Variants in ATP2B4 observed in about 807,000 individuals in gnomAD.
ATP2B4 encodes plasma membrane calcium-transporting ATPase 4.
In ATP2B4, 39 loss-of-function variants were observed where a neutral mutation model predicts 110.3. The observed-to-expected ratio is 0.35, with a 90% CI of 0.27 to 0.46. The LOEUF (loss-of-function observed/expected upper bound fraction) is 0.46, where lower values mean the gene tolerates loss of function less well. Ranked by LOEUF, ATP2B4 falls within the 20% of genes least tolerant of loss-of-function variation. The pLI is 1.00. For synonymous variants in ATP2B4, 538 were observed against 571.7 expected, an observed-to-expected ratio of 0.94 and a Z score of 0.84; for missense variants, 1,135 against 1,530.9, an observed-to-expected ratio of 0.74 and a Z score of 4.32.
chr1:203,700,318 C>A lies in ATP2B4; in HGVS notation c.762C>A (p.Pro254=). 1 of 1,613,190 alleles carries A rather than the reference C, an allele frequency of 6.2e-7. No individual in the cohort carries two copies. Among genetic ancestry groups the A allele is most frequent in the South Asian group, 1.1e-5 (1 of 90,998 alleles). Residue 254 remains proline, a synonymous_variant, in exon 5 of 21, where the codon CCC becomes CCA. Coordinates refer to ENST00000357681, the MANE Select transcript of ATP2B4 (RefSeq NM_001684.5). The part of the protein sequence containing the change: ...DHVKKSLDKD[P]MLLSGTHVME... Reference sequence around the variant, plus strand: ...TCAAGAAGTCCCTGGACAAAGACCCCATGTTGCTCTCAGGTATAGGCCCTG... The same window carrying A: ...TCAAGAAGTCCCTGGACAAAGACCCAATGTTGCTCTCAGGTATAGGCCCTG...
chr1:203,724,867 G>GTTTTTTT (rs1031319768), intron 19 of ATP2B4, among the ~76,000 whole-genome samples: 11 of 78,426 alleles, frequency 1.4e-4, no homozygotes, highest in South Asian at 4.0e-4. Flanking sequence ...CCAGCTCTCT[G>GTTTTTTT]TTTTTTTTTT....
At chr1:203,683,696 C>T in intron 2 of ATP2B4, among the ~76,000 whole-genome samples, 1 of 101,828 alleles carries the variant, frequency 9.8e-6, no homozygotes, top group African/African-American at 3.8e-5. Flanking sequence ...TTTGGTGAGA[C>T]AGGGTCCTGC....
intron 1 of ATP2B4, among the ~76,000 whole-genome samples, chr1:203,642,259 AT>A (rs1240798663): frequency 6.6e-6 from 1 of 151,866 alleles, no homozygotes; most frequent in African/African-American, 2.4e-5. Flanking sequence ...TTAAAAAAAA[AT>A]TTTTTTTAGA....
At chr1:203,679,836 T>G (rs892963675) in intron 1 of ATP2B4, among the ~76,000 whole-genome samples, 1 of 149,462 alleles carries the variant, frequency 6.7e-6, no homozygotes, top group Non-Finnish European at 1.5e-5. Context: ...GAGCTGAGAT[T>G]GCGCCACTGC....
intron 1 of ATP2B4, among the ~76,000 whole-genome samples, chr1:203,679,754 C>T (rs980926065): frequency 5.3e-5 from 8 of 151,738 alleles, no homozygotes; most frequent in Non-Finnish European, 1.0e-4. Context: ...TGGTGGCATG[C>T]GACTGTAGTC....
intron 1 of ATP2B4, among the ~76,000 whole-genome samples, chr1:203,666,793 A>C (rs1349459539): frequency 6.6e-6 from 1 of 152,212 alleles, no homozygotes; most frequent in East Asian, 1.9e-4. Flanking sequence ...CTTAGGAAGA[A>C]AAAGGCAGTT....
chr1:203,737,397 G>A (rs947282461), intron 20 of ATP2B4, among the ~76,000 whole-genome samples: 1 of 152,200 alleles, frequency 6.6e-6, no homozygotes, highest in Non-Finnish European at 1.5e-5. Flanking sequence ...TGTGGGCTAT[G>A]TTATCACTCC....
At position 203,721,249 on chromosome 1, in the gene ATP2B4, C is replaced by A. The variant is rs1421441526; in HGVS notation, c.2651C>A (p.Thr884Asn). Residue 884 changes from threonine to asparagine, a missense_variant, in exon 17 of 21, where the codon ACT becomes AAT. Transcript: ENST00000357681. Reference protein sequence around the residue: ...QMLWVNLIMDTFASLALATEP... With the variant: ...QMLWVNLIMDNFASLALATEP... ...TTGTGGGTTAATCTGATCATGGACA[C>A]TTTTGCTTCATTGGCCCTGGCCACA... 1 of 1,614,218 alleles carries A rather than the reference C, an allele frequency of 6.2e-7. No homozygotes were observed. The highest frequency in any genetic ancestry group is 1.6e-4 in the Middle Eastern group (1 of 6,062).
Position 203,700,809 on chromosome 1 carries a change from A to G in ATP2B4, c.787A>G (p.Met263Val), listed in dbSNP as rs761201250. ...CCTTTCCCGTGTAGGGACCCATGTCATGGAAGGTTCTGGCCGGATGGTGGT... is the reference window on the plus strand; with the variant it reads ...CCTTTCCCGTGTAGGGACCCATGTCGTGGAAGGTTCTGGCCGGATGGTGGT... ...DPMLLSGTHV[M>V]EGSGRMVVTA... Residue 263 changes from methionine to valine, a missense_variant, in exon 6 of 21, where the codon ATG becomes GTG. By Grantham distance (21) the Met-to-Val change is conservative (BLOSUM62 1). Around this residue, in one of 9 missense-constraint regions of ATP2B4, gnomAD observed 162 missense variants for 210.5 expected, o/e 0.77. Coordinates refer to ENST00000357681, the MANE Select transcript of ATP2B4 (RefSeq NM_001684.5). 1.9e-6 allele frequency: 3 copies of G among 1,613,226 alleles called. No homozygotes were observed. Among genetic ancestry groups the G allele is most frequent in the Non-Finnish European group, 2.5e-6 (3 of 1,179,526 alleles).
At chr1:203,708,371 TAGAA>T (rs1665910525) in intron 10 of ATP2B4, among the ~76,000 whole-genome samples, 1 of 152,140 alleles carries the variant, frequency 6.6e-6, no homozygotes, top group Non-Finnish European at 1.5e-5. Context: ...GGAGGGAAAG[TAGAA>T]AGTAACCCAA....
intron 2 of ATP2B4, among the ~76,000 whole-genome samples, chr1:203,694,072 A>G (rs1665463348): frequency 6.6e-6 from 1 of 152,190 alleles, no homozygotes; most frequent in Non-Finnish European, 1.5e-5. Context: ...AATTGGGTTA[A>G]TAGTAGCTAC....
chr1:203,722,385 C>T (rs1032836635), intron 17 of ATP2B4, 93 bp from the exon 18 acceptor site: 6 of 991,184 alleles, frequency 6.1e-6, no homozygotes, highest in Non-Finnish European at 7.9e-6. Flanking sequence ...AGAATGGACA[C>T]CAGCCATAAG....
At chr1:203,680,268 T>TTATTG (rs1664963412) in intron 1 of ATP2B4, among the ~76,000 whole-genome samples, 1 of 152,120 alleles carries the variant, frequency 6.6e-6, no homozygotes, top group South Asian at 2.1e-4. Context: ...CACATGGAGC[T>TTATTG]TATTGTTCTT....
At chr1:203,649,226 G>A (rs946502195) in intron 1 of ATP2B4, among the ~76,000 whole-genome samples, 1 of 152,280 alleles carries the variant, frequency 6.6e-6, no homozygotes, top group African/African-American at 2.4e-5. Context: ...TAGAATGGGA[G>A]AGTGAATTCC....
chr1:203,653,392 G>A (rs1017153741), intron 1 of ATP2B4, among the ~76,000 whole-genome samples: 1 of 152,194 alleles, frequency 6.6e-6, no homozygotes, highest in East Asian at 1.9e-4. Flanking sequence ...CAAGTTAGTC[G>A]GAAGATCTAG....
At chr1:203,660,407 T>C (rs1458801339) in intron 1 of ATP2B4, among the ~76,000 whole-genome samples, 1 of 151,802 alleles carries the variant, frequency 6.6e-6, no homozygotes, top group Non-Finnish European at 1.5e-5. Flanking sequence ...GGGGTGAGAA[T>C]GTATCACTTG....
At chr1:203,673,614 T>A (rs1367050684) in intron 1 of ATP2B4, among the ~76,000 whole-genome samples, 1 of 152,106 alleles carries the variant, frequency 6.6e-6, no homozygotes, top group Non-Finnish European at 1.5e-5. Flanking sequence ...TCTGTACAGG[T>A]GAGACTGTCA....
Position 203,740,714 on chromosome 1 carries a change from G to T in ATP2B4, c.*860G>T, listed in dbSNP as rs117100270. 6.6e-6 allele frequency: 1 copy of T among 152,222 alleles called. No individual in the cohort carries two copies. The highest frequency in any genetic ancestry group is 1.9e-4 in the East Asian group (1 of 5,198). The allele number at this position is 152,222 out of a possible 1,614,324, so 9.4% of individuals were successfully genotyped here. A position where few individuals can be genotyped will look rare whatever the true frequency, so the allele number is the denominator to read the frequency against. On this transcript the variant is annotated 3_prime_UTR_variant, in exon 21 of 21. Transcript: ENST00000357681. ...AGGGAGATCAGCCTTGCCCATGAAG[G>T]TTGCATATGTGTGGTATACAGTTTT...
At chr1:203,657,611 C>T (rs1664201004) in intron 1 of ATP2B4, 4 of 966,802 alleles carry the variant, frequency 4.1e-6, no homozygotes, top group South Asian at 3.8e-5. Flanking sequence ...GCTTAGCCTT[C>T]AGACCAATCA....
Sources: allele counts gnomAD v4.1 joint callset (sites outside exome capture counted in the v4.1 genomes callset), GRCh38; gene constraint gnomAD v4.1.1; regional missense constraint gnomAD v4.1.1; transcripts MANE v1.5; gene names NCBI Gene and HGNC (gene_info 2026-07-23, HGNC 2026-07-21).